Variants in UBE2W observed in about 807,000 individuals in gnomAD.
The protein encoded by UBE2W is ubiquitin conjugating enzyme E2 W.
In UBE2W, 18 loss-of-function variants were observed where a neutral mutation model predicts 27.2. The observed-to-expected ratio is 0.66, with a 90% CI of 0.46 to 0.98. The LOEUF is 0.98. Ranked by LOEUF, UBE2W falls within the 50% of genes least tolerant of loss-of-function variation. The probability of loss-of-function intolerance (pLI) is 0.00; values close to 1 mark genes in which losing one functional copy is unlikely to be tolerated. For synonymous variants in UBE2W, 53 were observed against 57.2 expected, an observed-to-expected ratio of 0.93 and a Z score of 0.33; for missense variants, 90 against 180.2, an observed-to-expected ratio of 0.50 and a Z score of 2.87.
rs184747463 is a variant in UBE2W at position 73,839,944 on chromosome 8, C to T, written c.16-9472G>A. Among the ~76,000 whole-genome samples, 705 of 152,052 alleles carry T rather than the reference C, an allele frequency of 4.6e-3. 8 individuals carry two copies. The highest frequency in any genetic ancestry group is 5.4e-3 in the Non-Finnish European group (368 of 67,950). On this transcript the variant is annotated intron_variant, in intron 1 of 5. Transcript: ENST00000602593. ...TGAGATGGGGTTTCACCATGTTGGC[C>T]AAGCTGGTCTCGAACTCCTGGCCTC...
At chr8:73,832,125 A>AAAC (rs1810091070) in intron 1 of UBE2W, among the ~76,000 whole-genome samples, 1 of 145,472 alleles carries the variant, frequency 6.9e-6, no homozygotes, top group African/African-American at 2.7e-5. Flanking sequence ...AACAAACAAA[A>AAAC]AAAATAAATA....
In UBE2W at chr8:73,852,621, T is replaced by G. The variant is rs1368272292; in HGVS notation, c.16-22149A>C. Among the ~76,000 whole-genome samples the G allele has an allele frequency of 2.0e-5, 3 of 152,174 alleles. No individual in the cohort carries two copies. The East Asian group carries it at 5.8e-4, about 29-fold the overall frequency. ...TTTCTTGTAAAAATACAATTCAAAT[T>G]TTTTTACCTTCCAGGTTTCAGCAGG... On this transcript the variant is annotated intron_variant, in intron 1 of 5. Transcript: ENST00000602593.
intron 3 of UBE2W, among the ~76,000 whole-genome samples, chr8:73,811,142 T>TA (rs1809134140): frequency 6.6e-6 from 1 of 152,112 alleles, no homozygotes; most frequent in South Asian, 2.1e-4. Flanking sequence ...CCTCTAAACT[T>TA]ACACATCCAT....
intron 1 of UBE2W, among the ~76,000 whole-genome samples, chr8:73,861,160 G>A (rs75523017): frequency 0.015 from 2,329 of 152,140 alleles, 46 homozygotes; most frequent in Non-Finnish European, 0.022. Context: ...AACATAAAAA[G>A]TCACTAATAA....
At chr8:73,844,174 CTGCACGGA>C (rs1810665984) in intron 1 of UBE2W, among the ~76,000 whole-genome samples, 20 of 138,450 alleles carry the variant, frequency 1.4e-4, no homozygotes, top group South Asian at 4.5e-4. Flanking sequence ...CCCTCCCCCT[CTGCACGGA>C]CTCCCTCTGA....
chr8:73,799,023 A>C (rs1251090413), intron 5 of UBE2W, among the ~76,000 whole-genome samples: 1 of 152,094 alleles, frequency 6.6e-6, no homozygotes, highest in Non-Finnish European at 1.5e-5. Flanking sequence ...GCAATGAATA[A>C]ATTTGCATTT....
chr8:73,878,741 C>T, intron 1 of UBE2W, 67 bp downstream of exon 1: 2 of 1,414,952 alleles, frequency 1.4e-6, no homozygotes, highest in East Asian at 2.5e-5. Context: ...GGACGCCACC[C>T]CCGCCCGAAC....
intron 4 of UBE2W, among the ~76,000 whole-genome samples, chr8:73,809,451 G>A (rs1809058331): frequency 6.6e-6 from 1 of 152,136 alleles, no homozygotes; most frequent in Admixed American, 6.6e-5. Flanking sequence ...TTTAAGAGGG[G>A]TTTTAAAATG....
Position 73,791,088 on chromosome 8 carries a change from T to A in UBE2W, c.*3014A>T, listed in dbSNP as rs1040511966. The A allele has an allele frequency of 2.0e-6, 2 of 984,924 alleles. No homozygotes were observed. The highest frequency in any genetic ancestry group is 3.5e-5 in the African/African-American group (2 of 57,230). The allele number at this position is 984,924 out of a possible 1,614,324, so 61.0% of individuals were successfully genotyped here. On this transcript the variant is annotated 3_prime_UTR_variant, in exon 6 of 6. Transcript: ENST00000602593. ...TATTTCCAGCACTTTCTTCTGGGGA[T>A]TAAAAATGATTTATTTCCCTGCTGG...
chr8:73,790,991 T>C lies in UBE2W; in HGVS notation c.*3111A>G. On this transcript the variant is annotated 3_prime_UTR_variant, in exon 6 of 6. Transcript: ENST00000602593. The stretch of plus-strand genomic sequence containing the variant: ...ACTATTCTAGTTATTTTATACCAAA[T>C]ATTGATATTCCTAGTCAAAACAACA... The C allele has an allele frequency of 2.0e-6, 2 of 982,140 alleles. No individual in the cohort carries two copies. The highest frequency in any genetic ancestry group is 2.4e-6 in the Non-Finnish European group (2 of 827,012). 60.8% of individuals were successfully genotyped at this position (982,140 alleles called of 1,614,324 possible). A position where few individuals can be genotyped will look rare whatever the true frequency, so the allele number is the denominator to read the frequency against.
intron 3 of UBE2W, among the ~76,000 whole-genome samples, chr8:73,812,611 T>C (rs183229005): frequency 9.1e-4 from 139 of 152,346 alleles, no homozygotes; most frequent in African/African-American, 3.2e-3. Flanking sequence ...ACATCTACCT[T>C]GAGGTATTCA....
downstream of UBE2W, among the ~76,000 whole-genome samples, chr8:73,785,388 C>T (rs1263358472): frequency 6.6e-6 from 1 of 152,124 alleles, no homozygotes. Context: ...ACTGATCCGC[C>T]TGCCTTGGCC....
intron 3 of UBE2W, among the ~76,000 whole-genome samples, chr8:73,822,345 C>T (rs1415789905): frequency 6.6e-6 from 1 of 151,962 alleles, no homozygotes; most frequent in African/African-American, 2.4e-5. Context: ...GGAAGGTGAC[C>T]GCTTCCACCT....
intron 3 of UBE2W, among the ~76,000 whole-genome samples, chr8:73,822,602 CAAAAAAAAAAAAAAAAAA>C (rs67427702): frequency 2.0e-5 from 1 of 51,216 alleles, no homozygotes; most frequent in Non-Finnish European, 3.6e-5. Context: ...CTTGCAACTG[CAAAAAAAAAAAAAAAAAA>C]AAAAAAAAAA....
chr8:73,850,700 TAGTG>T (rs1811035069), intron 1 of UBE2W, among the ~76,000 whole-genome samples: 3 of 77,050 alleles, frequency 3.9e-5, no homozygotes, highest in Admixed American at 2.0e-4. Context: ...GGGAAGGAAA[TAGTG>T]AGGTACAATC....
At chr8:73,856,540 TTTTTTGTAGAGACA>T (rs557211991) in intron 1 of UBE2W, among the ~76,000 whole-genome samples, 1 of 148,694 alleles carries the variant, frequency 6.7e-6, no homozygotes, top group South Asian at 2.1e-4. Context: ...AATTTTTGTA[TTTTTTGTAGAGACA>T]GGGTCTCGCT....
chr8:73,826,883 G>T (rs1289594125), intron 2 of UBE2W, among the ~76,000 whole-genome samples: 3 of 152,126 alleles, frequency 2.0e-5, no homozygotes, highest in African/African-American at 7.2e-5. Context: ...TCAATACATG[G>T]TAAATTAAAT....
chr8:73,794,819 C>T (rs1243498466), intron 5 of UBE2W, among the ~76,000 whole-genome samples: 2 of 142,164 alleles, frequency 1.4e-5, no homozygotes, highest in Non-Finnish European at 3.0e-5. Context: ...AAGGGAATCG[C>T]TTCAACCTGA....
intron 3 of UBE2W, among the ~76,000 whole-genome samples, chr8:73,820,083 G>A (rs1354546454): frequency 6.6e-6 from 1 of 152,124 alleles, no homozygotes; most frequent in East Asian, 1.9e-4. Flanking sequence ...TTACAGGCAT[G>A]AGTACCATGC....
Sources: gnomAD v4.1 joint callset for allele counts (sites outside exome capture counted in the v4.1 genomes callset) on GRCh38, gnomAD v4.1.1 for gene constraint, MANE v1.5 for transcripts, NCBI Gene and HGNC (gene_info 2026-07-23, HGNC 2026-07-21) for gene names.